Variants in ARMC2 observed in about 807,000 individuals in gnomAD.
ARMC2 encodes the protein armadillo repeat containing 2.
ARMC2 carries 67 observed loss-of-function variants against 90.3 expected under a neutral mutation model. The observed-to-expected ratio is 0.74, with a 90% CI of 0.61 to 0.91. The LOEUF is 0.91. Among genes scored for constraint, ARMC2 ranks in the 40% least tolerant of loss-of-function variants. ARMC2 has a pLI of 0.00. For missense variants in ARMC2, 920 were observed against 1,030.9 expected (o/e 0.89, Z 1.47); for synonymous variants, 393 against 393.0 (o/e 1.00, Z 0.00).
the ARMC2 span, among the ~76,000 whole-genome samples, chr6:109,051,740 T>C: frequency 6.6e-6 from 1 of 152,204 alleles, no homozygotes; most frequent in Admixed American, 6.5e-5. Context: ...TTTTGTTTTG[T>C]TTTGTTTTCT....
At chr6:108,976,654 A>C (rs11153140), downstream of ARMC2, among the ~76,000 whole-genome samples, 1 of 151,298 alleles carries the variant, frequency 6.6e-6, no homozygotes, top group African/African-American at 2.4e-5. Flanking sequence ...ATGTTTTTTT[A>C]ATTTGTGTCC....
the ARMC2 span, among the ~76,000 whole-genome samples, chr6:109,049,121 A>G: frequency 2.0e-4 from 30 of 152,332 alleles, no homozygotes; most frequent in South Asian, 6.2e-3. Flanking sequence ...TAAAAGTAGG[A>G]AAAGTTGGTA....
intron 11 of ARMC2, among the ~76,000 whole-genome samples, chr6:108,935,825 A>G (rs1022093188): frequency 6.6e-5 from 10 of 152,108 alleles, no homozygotes; most frequent in African/African-American, 2.2e-4. Flanking sequence ...TCTTTGACCT[A>G]TAAGTTAGGT....
the ARMC2 span, among the ~76,000 whole-genome samples, chr6:108,984,852 CT>C: frequency 1.4e-4 from 22 of 152,222 alleles, no homozygotes; most frequent in Non-Finnish European, 3.1e-4. Flanking sequence ...CTTTCCTAGC[CT>C]TTTGGTGCGG....
chr6:108,895,099 T>A (rs1458069778), intron 6 of ARMC2, among the ~76,000 whole-genome samples: 1 of 151,178 alleles, frequency 6.6e-6, no homozygotes, highest in Non-Finnish European at 1.5e-5. Flanking sequence ...ATAGAAATCA[T>A]TTTGTAAAAG....
At chr6:108,994,696 ATC>A in the ARMC2 span, 27 of 628,428 alleles carry the variant, frequency 4.3e-5, no homozygotes, top group Non-Finnish European at 5.0e-5. Context: ...AAGAATTTAT[ATC>A]TTTTTTTTTT....
intron 5 of ARMC2, among the ~76,000 whole-genome samples, chr6:108,890,388 TGTCA>T (rs1183985748): frequency 1.3e-5 from 2 of 151,858 alleles, no homozygotes; most frequent in South Asian, 2.1e-4. Context: ...GTTCTTCCAG[TGTCA>T]GTCAGTGTAC....
the ARMC2 span, among the ~76,000 whole-genome samples, chr6:109,032,332 G>C: frequency 6.6e-6 from 1 of 152,028 alleles, no homozygotes; most frequent in East Asian, 1.9e-4. Flanking sequence ...TACATGAAAA[G>C]GTAAGGCTGG....
intron 11 of ARMC2, among the ~76,000 whole-genome samples, chr6:108,928,812 C>G (rs775333128): frequency 6.6e-6 from 1 of 152,082 alleles, no homozygotes; most frequent in Non-Finnish European, 1.5e-5. Flanking sequence ...TGTTTCCTCC[C>G]GCGCTGCTCT....
At chr6:109,033,525 T>C in the ARMC2 span, among the ~76,000 whole-genome samples, 272 of 152,312 alleles carry the variant, frequency 1.8e-3, 1 homozygote, top group Non-Finnish European at 2.2e-3. Flanking sequence ...TATTCCATAA[T>C]GTCCCTCTGC....
chr6:108,929,832 G>A (rs999416450), intron 11 of ARMC2, among the ~76,000 whole-genome samples: 10 of 152,030 alleles, frequency 6.6e-5, no homozygotes, highest in Non-Finnish European at 1.5e-4. Context: ...TCTTGGTCAG[G>A]CACAGTGGCT....
chr6:108,898,121 G>A (rs1274364825), intron 6 of ARMC2, among the ~76,000 whole-genome samples: 1 of 152,158 alleles, frequency 6.6e-6, no homozygotes, highest in Non-Finnish European at 1.5e-5. Flanking sequence ...GCTAGTAGGT[G>A]GCAGAGCTAG....
At position 108,868,940 on chromosome 6, in the gene ARMC2, C is replaced by T. The variant is rs1776106734; in HGVS notation, c.408C>T (p.Phe136=). ...RRVSNARARL[F]RAASQRALLP... is the part of the protein sequence containing the mutation. ...TAAGCAACGCCAGGGCTCGCTTATT[C>T]AGGGCTGCCTCCCAGCGGGCCCTTC... Residue 136 remains phenylalanine (F), a synonymous_variant, in exon 4 of 18, where the codon TTC becomes TTT. Coordinates refer to ENST00000392644, the MANE Select transcript of ARMC2 (RefSeq NM_032131.6). 1 of 1,613,842 alleles carries T rather than the reference C, an allele frequency of 6.2e-7. No individual in the cohort carries two copies. The highest frequency in any genetic ancestry group is 8.5e-7 in the Non-Finnish European group (1 of 1,179,866).
chr6:108,988,297 T>C, the ARMC2 span: 1 of 349,588 alleles, frequency 2.9e-6, no homozygotes, highest in Non-Finnish European at 5.1e-6. Context: ...CAGTCTTCTA[T>C]GTGCTGACAG....
chr6:108,909,427 C>T (rs1195519388), intron 8 of ARMC2, among the ~76,000 whole-genome samples: 9 of 151,132 alleles, frequency 6.0e-5, no homozygotes, highest in East Asian at 1.9e-4. Context: ...CATTTGATTC[C>T]GTCAGTAATC....
chr6:108,923,567 ACTTGC>A (rs1449363298), intron 10 of ARMC2, among the ~76,000 whole-genome samples: 1 of 150,736 alleles, frequency 6.6e-6, no homozygotes, highest in African/African-American at 2.4e-5. Flanking sequence ...TTGACTTGGA[ACTTGC>A]CTTTACTGTG....
In ARMC2 at chr6:108,973,378, G is replaced by A. The variant is rs1055811352; in HGVS notation, c.2468G>A (p.Gly823Asp). ...SFLDEELALD[G>D]SFDPDLKNYH... ...ACAGATGAAGAACTAGCACTGGATG[G>A]CAGTTTTGATCCAGACCTAAAAAAC... is the stretch of plus-strand genomic sequence containing the variant. The change falls in exon 18 of 18, where the codon GGC becomes GAC. Residue 823 changes from glycine to aspartate, a missense_variant. By Grantham distance (94) the Gly-to-Asp change is moderately conservative (BLOSUM62 -1). Coordinates refer to ENST00000392644, the MANE Select transcript of ARMC2 (RefSeq NM_032131.6). 1 of 1,612,894 alleles carries A rather than the reference G, an allele frequency of 6.2e-7. No individual in the cohort carries two copies. The highest frequency in any genetic ancestry group is 1.3e-5 in the African/African-American group (1 of 74,988).
At chr6:108,994,055 G>A in the ARMC2 span, among the ~76,000 whole-genome samples, 2 of 149,976 alleles carry the variant, frequency 1.3e-5, no homozygotes, top group East Asian at 2.0e-4. Flanking sequence ...CAGGATGATC[G>A]CTTGAGCCTA....
At chr6:109,016,769 C>G in the ARMC2 span, among the ~76,000 whole-genome samples, 1 of 152,078 alleles carries the variant, frequency 6.6e-6, no homozygotes, top group Non-Finnish European at 1.5e-5. Context: ...TATAATACCA[C>G]TTAAAAATGT....
Sources: allele counts gnomAD v4.1 joint callset (sites outside exome capture counted in the v4.1 genomes callset), GRCh38; gene constraint gnomAD v4.1.1; transcripts MANE v1.5; gene names NCBI Gene and HGNC (gene_info 2026-07-23, HGNC 2026-07-21).